The following SERPINI1 variants were observed in gnomAD, a reference collection of about 807,000 sequenced individuals.
SERPINI1 encodes serpin family I member 1.
In SERPINI1, 19 loss-of-function variants were observed where a neutral mutation model predicts 41.1. The observed-to-expected ratio is 0.46, with a 90% CI of 0.32 to 0.68. The LOEUF (loss-of-function observed/expected upper bound fraction) is 0.68. SERPINI1 is among the 30% of genes least tolerant of loss of function. SERPINI1 has a pLI of 0.03. For synonymous variants in SERPINI1, 138 were observed against 156.6 expected, an observed-to-expected ratio of 0.88 and a Z score of 0.89; for missense variants, 460 against 479.2, an observed-to-expected ratio of 0.96 and a Z score of 0.37.
chr3:167,755,793 G>A (rs1726174211), intron 1 of SERPINI1, among the ~76,000 whole-genome samples: 1 of 130,422 alleles, frequency 7.7e-6, no homozygotes, highest in African/African-American at 3.2e-5. Flanking sequence ...AGGTGTTGCT[G>A]ATTTTTTTTT....
chr3:167,776,390 G>A (rs1454657160), intron 1 of SERPINI1, among the ~76,000 whole-genome samples: 1 of 152,202 alleles, frequency 6.6e-6, no homozygotes, highest in East Asian at 1.9e-4. Context: ...GGACCTGCCA[G>A]CTCACTGGGT....
At chr3:167,737,043 G>A (rs1029299358) in intron 1 of SERPINI1, among the ~76,000 whole-genome samples, 3 of 151,896 alleles carry the variant, frequency 2.0e-5, no homozygotes, top group Admixed American at 2.0e-4. Context: ...ATAAAATGGA[G>A]TAATTGTCTT....
At chr3:167,812,719 A>G (rs1711935629) in intron 6 of SERPINI1, among the ~76,000 whole-genome samples, 2 of 152,156 alleles carry the variant, frequency 1.3e-5, no homozygotes, top group African/African-American at 4.8e-5. Flanking sequence ...GAGATGCTCG[A>G]TATTTATTAC....
At chr3:167,814,842 C>G (rs866624504) in intron 6 of SERPINI1, among the ~76,000 whole-genome samples, 1 of 152,164 alleles carries the variant, frequency 6.6e-6, no homozygotes, top group Admixed American at 6.5e-5. Context: ...TGTAAAAATC[C>G]TGGCCTCATG....
intron 1 of SERPINI1, among the ~76,000 whole-genome samples, chr3:167,776,179 A>G (rs1052689281): frequency 3.3e-5 from 5 of 152,198 alleles, no homozygotes; most frequent in African/African-American, 1.2e-4. Context: ...TGCAACCTTG[A>G]TTGATGATGA....
At chr3:167,742,867 T>C (rs572867243) in intron 1 of SERPINI1, among the ~76,000 whole-genome samples, 3 of 150,858 alleles carry the variant, frequency 2.0e-5, no homozygotes, top group African/African-American at 7.3e-5. Flanking sequence ...TGTAGAAGTT[T>C]AGCAACTCTA....
chr3:167,821,571 A>G (rs192069149), intron 6 of SERPINI1, among the ~76,000 whole-genome samples: 144 of 151,580 alleles, frequency 9.5e-4, no homozygotes, highest in African/African-American at 3.3e-3. Context: ...GCCTCTCACC[A>G]CTCCACACCT....
chr3:167,796,418 C>T (rs912502678), intron 5 of SERPINI1, among the ~76,000 whole-genome samples: 5 of 150,278 alleles, frequency 3.3e-5, no homozygotes, highest in East Asian at 3.9e-4. Context: ...CATAGGTAAA[C>T]GTGTGCCATG....
chr3:167,813,057 T>C (rs1560016858), intron 6 of SERPINI1, among the ~76,000 whole-genome samples: 1 of 152,152 alleles, frequency 6.6e-6, no homozygotes, highest in East Asian at 1.9e-4. Flanking sequence ...ATAAAGGAAT[T>C]AAGAAGACAC....
chr3:167,812,591 G>A (rs1302672228), intron 6 of SERPINI1, among the ~76,000 whole-genome samples: 1 of 152,056 alleles, frequency 6.6e-6, no homozygotes, highest in African/African-American at 2.4e-5. Flanking sequence ...TTATTTATGT[G>A]TCTAATATTC....
At chr3:167,778,447 G>C (rs1358770265) in intron 1 of SERPINI1, among the ~76,000 whole-genome samples, 3 of 152,192 alleles carry the variant, frequency 2.0e-5, no homozygotes, top group African/African-American at 7.2e-5. Flanking sequence ...TTCTCTGATT[G>C]GTTGGGGATG....
At position 167,793,303 on chromosome 3, in the gene SERPINI1, G is replaced by C. The variant is rs142689737; in HGVS notation, c.676+519G>C. ...AATATCTTTGGCATTATTTTCAAAGGTGTTTTATTGGACTCTTCAGAAGTT... is the reference window on the plus strand; with the variant it reads ...AATATCTTTGGCATTATTTTCAAAGCTGTTTTATTGGACTCTTCAGAAGTT... On this transcript the variant is annotated intron_variant, in intron 4 of 8. Coordinates refer to ENST00000446050, the MANE Select transcript of SERPINI1 (RefSeq NM_001122752.2). 3.0e-3 allele frequency among the ~76,000 whole-genome samples: 451 copies of C among 152,060 alleles called. 2 individuals carry two copies. Among genetic ancestry groups the C allele is most frequent in the African/African-American group, 0.01 (434 of 41,512 alleles).
In SERPINI1 at chr3:167,737,801, G is replaced by T. The variant is rs566218214; in HGVS notation, c.-19+1978G>T. On this transcript the variant is annotated intron_variant, in intron 1 of 8. Coordinates refer to ENST00000446050, the MANE Select transcript of SERPINI1 (RefSeq NM_001122752.2). ...AAATTAAGATATACTTTGAATCTCAGCTCTTTATAGGTCTTCTGCTCTGAG... is the reference window on the plus strand; with the variant it reads ...AAATTAAGATATACTTTGAATCTCATCTCTTTATAGGTCTTCTGCTCTGAG... Among the ~76,000 whole-genome samples the T allele has an allele frequency of 2.0e-5, 3 of 152,220 alleles. No individual in the cohort carries two copies. In the East Asian group the frequency reaches 5.8e-4, roughly 29 times the overall value.
chr3:167,783,210 T>TGGCCATGGGAAC (rs1727199377), intron 1 of SERPINI1, among the ~76,000 whole-genome samples: 1 of 152,178 alleles, frequency 6.6e-6, no homozygotes, highest in East Asian at 1.9e-4. Context: ...ACTGCCATTG[T>TGGCCATGGGAAC]GGCCATGGGA....
intron 1 of SERPINI1, among the ~76,000 whole-genome samples, chr3:167,744,521 T>C (rs2108530449): frequency 6.7e-6 from 1 of 149,496 alleles, no homozygotes; most frequent in South Asian, 2.1e-4. Context: ...GACAGTAAGA[T>C]TAAGAGCCAA....
At chr3:167,755,000 C>T (rs1212516776) in intron 1 of SERPINI1, among the ~76,000 whole-genome samples, 1 of 152,204 alleles carries the variant, frequency 6.6e-6, no homozygotes, top group East Asian at 1.9e-4. Flanking sequence ...CTCCTTCCTG[C>T]AGCCTCATGC....
chr3:167,749,246 C>G (rs1013862539), intron 1 of SERPINI1, among the ~76,000 whole-genome samples: 1 of 152,110 alleles, frequency 6.6e-6, no homozygotes, highest in African/African-American at 2.4e-5. Context: ...CTAGTTTACT[C>G]TCATACAATG....
At chr3:167,818,642 G>A (rs528520991) in intron 6 of SERPINI1, among the ~76,000 whole-genome samples, 1 of 151,910 alleles carries the variant, frequency 6.6e-6, no homozygotes, top group Admixed American at 6.6e-5. Flanking sequence ...ATAACCCTTA[G>A]CATCTTTGTT....
At chr3:167,812,912 A>G (rs188477181) in intron 6 of SERPINI1, among the ~76,000 whole-genome samples, 1 of 152,290 alleles carries the variant, frequency 6.6e-6, no homozygotes, top group East Asian at 1.9e-4. Context: ...GAGAAGGTCT[A>G]TTTTTGTAAT....
Sources: gnomAD v4.1 joint callset for allele counts (sites outside exome capture counted in the v4.1 genomes callset) on GRCh38, gnomAD v4.1.1 for gene constraint, MANE v1.5 for transcripts, NCBI Gene and HGNC (gene_info 2026-07-23, HGNC 2026-07-21) for gene names.